Variants in ESRRG observed in about 807,000 individuals in gnomAD.
The protein encoded by ESRRG is estrogen-related receptor gamma.
A neutral mutation model predicts 44.0 loss-of-function variants in ESRRG; 13 were observed. The ratio of observed to expected loss-of-function variants is 0.30; its 90% CI spans 0.19 to 0.47. The LOEUF (loss-of-function observed/expected upper bound fraction) is 0.47. ESRRG is among the 20% of genes least tolerant of loss of function. ESRRG has a pLI of 1.00. For synonymous variants in ESRRG, 215 were observed against 214.6 expected, an observed-to-expected ratio of 1.00 and a Z score of -0.02; for missense variants, 395 against 580.6, an observed-to-expected ratio of 0.68 and a Z score of 3.29.
intron 5 of ESRRG, among the ~76,000 whole-genome samples, chr1:216,562,503 G>A (rs1467592707): frequency 6.6e-6 from 1 of 151,962 alleles, no homozygotes; most frequent in African/African-American, 2.4e-5. Context: ...GGGTCAGGCT[G>A]GGGCGATTTT....
At chr1:216,849,185 C>G (rs889257898) in intron 2 of ESRRG, among the ~76,000 whole-genome samples, 4 of 152,126 alleles carry the variant, frequency 2.6e-5, no homozygotes, top group Admixed American at 2.6e-4. Context: ...ACATTGTTCA[C>G]TTCAGGTCTG....
At chr1:216,734,949 C>T (rs537035712) in intron 2 of ESRRG, among the ~76,000 whole-genome samples, 14 of 134,246 alleles carry the variant, frequency 1.0e-4, no homozygotes, top group African/African-American at 3.8e-4. Context: ...TCCTCTGTTG[C>T]CCAGGCTGGA....
chr1:216,907,155 C>T (rs1326673405), intron 2 of ESRRG, among the ~76,000 whole-genome samples: 4 of 152,126 alleles, frequency 2.6e-5, no homozygotes, highest in African/African-American at 4.8e-5. Context: ...GAAAAGGCAT[C>T]GCCTGGCCAC....
intron 2 of ESRRG, among the ~76,000 whole-genome samples, chr1:216,935,574 T>C (rs1050509497): frequency 2.0e-5 from 3 of 151,864 alleles, no homozygotes; most frequent in African/African-American, 7.3e-5. Flanking sequence ...TGTTCAGCAA[T>C]CCAGAAGCTC....
intron 3 of ESRRG, among the ~76,000 whole-genome samples, chr1:216,622,014 C>T (rs1462630850): frequency 1.3e-5 from 2 of 152,304 alleles, no homozygotes; most frequent in South Asian, 2.1e-4. Context: ...AAGGCCTGAG[C>T]TGGATGACTA....
chr1:216,848,565 A>G (rs2095795603), intron 2 of ESRRG, among the ~76,000 whole-genome samples: 1 of 152,144 alleles, frequency 6.6e-6, no homozygotes, highest in African/African-American at 2.4e-5. Flanking sequence ...ATAGCTACCC[A>G]GTGCTCTACA....
At chr1:217,064,720 C>A (rs2089317581) in intron 1 of ESRRG, among the ~76,000 whole-genome samples, 3 of 152,142 alleles carry the variant, frequency 2.0e-5, no homozygotes, top group Non-Finnish European at 4.4e-5. Flanking sequence ...TAATAAATTT[C>A]AAGTAGATAT....
intron 5 of ESRRG, among the ~76,000 whole-genome samples, chr1:216,521,405 C>A (rs2046034074): frequency 6.6e-6 from 1 of 151,824 alleles, no homozygotes; most frequent in South Asian, 2.1e-4. Flanking sequence ...AAATATCAAT[C>A]TCAAGAAAAC....
chr1:217,068,736 C>A (rs1240972041), intron 1 of ESRRG, among the ~76,000 whole-genome samples: 2 of 152,148 alleles, frequency 1.3e-5, no homozygotes, highest in African/African-American at 2.4e-5. Context: ...AATCAACAAG[C>A]ACAATTACTC....
intron 5 of ESRRG, among the ~76,000 whole-genome samples, chr1:216,539,173 A>G (rs59029752): frequency 0.18 from 26,342 of 149,998 alleles, 3,837 homozygotes; most frequent in African/African-American, 0.41. Flanking sequence ...GTTATAAGGA[A>G]GGAAAAAGTC....
chr1:217,098,613 A>C (rs1461271147), intron 1 of ESRRG, among the ~76,000 whole-genome samples: 1 of 152,158 alleles, frequency 6.6e-6, no homozygotes, highest in African/African-American at 2.4e-5. Flanking sequence ...GCTCTATCAG[A>C]TTAGGAAGGA....
At chr1:216,608,682 T>C (rs10779267) in intron 3 of ESRRG, among the ~76,000 whole-genome samples, 59,361 of 151,986 alleles carry the variant, frequency 0.39, 12,149 homozygotes, top group East Asian at 0.52. Flanking sequence ...TTTAATTTAA[T>C]CCACCTTTTC....
Position 216,902,993 on chromosome 1 carries a change from G to C in ESRRG, c.-14+36589C>G, listed in dbSNP as rs77471668. On this transcript the variant is annotated intron_variant, in intron 2 of 7. Transcript: ENST00000359162. ...CATCAAGCATTTATGAATGGCCTTT[G>C]TGTGAAAAGCACAGTCCTGGGGTTA... 4.1e-3 allele frequency among the ~76,000 whole-genome samples: 625 copies of C among 152,276 alleles called. 6 individuals are homozygous for C. Among genetic ancestry groups the C allele is most frequent in the African/African-American group, 0.015 (612 of 41,552 alleles).
At chr1:217,058,105 T>C (rs1325568869) in intron 1 of ESRRG, among the ~76,000 whole-genome samples, 1 of 152,130 alleles carries the variant, frequency 6.6e-6, no homozygotes, top group Non-Finnish European at 1.5e-5. Context: ...CTGTGCCACA[T>C]ATCTGAAAAT....
chr1:216,820,747 C>G (rs1375776747), intron 2 of ESRRG, among the ~76,000 whole-genome samples: 1 of 152,166 alleles, frequency 6.6e-6, no homozygotes. Flanking sequence ...AATAAATTAC[C>G]TGCTATTTAT....
intron 2 of ESRRG, among the ~76,000 whole-genome samples, chr1:216,874,763 C>T (rs1559946285): frequency 6.6e-6 from 1 of 152,304 alleles, no homozygotes; most frequent in East Asian, 1.9e-4. Flanking sequence ...TGGACCCACC[C>T]TCAATCTGAG....
chr1:216,744,675 C>T (rs910282204), intron 2 of ESRRG, among the ~76,000 whole-genome samples: 1 of 152,178 alleles, frequency 6.6e-6, no homozygotes, highest in African/African-American at 2.4e-5. Flanking sequence ...CATCTTTATT[C>T]CTGGCAATAC....
chr1:216,786,465 C>A (rs1433503602), intron 2 of ESRRG, among the ~76,000 whole-genome samples: 1 of 151,894 alleles, frequency 6.6e-6, no homozygotes, highest in Non-Finnish European at 1.5e-5. Flanking sequence ...GGGGTTAACA[C>A]CAAAGAAATA....
At chr1:216,783,207 T>A (rs1003247773) in intron 2 of ESRRG, among the ~76,000 whole-genome samples, 14 of 152,064 alleles carry the variant, frequency 9.2e-5, no homozygotes, top group African/African-American at 3.4e-4. Flanking sequence ...AGGTCTCAAC[T>A]ACATTATAAA....
Sources: allele counts gnomAD v4.1 joint callset (sites outside exome capture counted in the v4.1 genomes callset), GRCh38; gene constraint gnomAD v4.1.1; transcripts MANE v1.5; gene names NCBI Gene and HGNC (gene_info 2026-07-23, HGNC 2026-07-21).